Variants in AGBL4 observed in about 807,000 individuals in gnomAD.
AGBL4 encodes AGBL carboxypeptidase 4.
A neutral mutation model predicts 66.4 loss-of-function variants in AGBL4; 58 were observed. The observed-to-expected ratio is 0.87, with a 90% CI of 0.71 to 1.09. AGBL4 has a LOEUF of 1.09. Among genes scored for constraint, AGBL4 ranks in the 50% least tolerant of loss-of-function variants. AGBL4 has a pLI of 0.00. For missense variants in AGBL4, 579 were observed against 631.0 expected (o/e 0.92, Z 0.88); for synonymous variants, 234 against 222.9 (o/e 1.05, Z -0.44).
chr1:49,969,167 A>C (rs1233910393), intron 1 of AGBL4, among the ~76,000 whole-genome samples: 2 of 152,232 alleles, frequency 1.3e-5, no homozygotes, highest in Non-Finnish European at 2.9e-5. Context: ...GGTTAAAATA[A>C]GAACAGTATT....
intron 4 of AGBL4, among the ~76,000 whole-genome samples, chr1:49,144,969 T>C (rs1425056060): frequency 6.6e-6 from 1 of 151,940 alleles, no homozygotes; most frequent in Non-Finnish European, 1.5e-5. Flanking sequence ...GAACAGAAGA[T>C]GTGGGAGAGA....
At chr1:49,469,095 T>C (rs1283794444) in intron 3 of AGBL4, among the ~76,000 whole-genome samples, 3 of 151,814 alleles carry the variant, frequency 2.0e-5, no homozygotes, top group Non-Finnish European at 4.4e-5. Context: ...TTTTCACCTA[T>C]TTCTTTATGC....
intron 3 of AGBL4, among the ~76,000 whole-genome samples, chr1:49,372,601 TTTTCTTTTTCTTTCTTTCTTTC>T (rs1293227690): frequency 6.7e-6 from 1 of 148,624 alleles, no homozygotes; most frequent in Non-Finnish European, 1.5e-5. Flanking sequence ...TTTCTTTTCT[TTTTCTTTTTCTTTCTTTCTTTC>T]TTTCTTTCTT....
At chr1:49,080,337 C>A (rs749693857) in intron 4 of AGBL4, among the ~76,000 whole-genome samples, 3 of 152,204 alleles carry the variant, frequency 2.0e-5, no homozygotes, top group Admixed American at 6.5e-5. Context: ...TTAGAGAACA[C>A]CTGGAAGCAT....
chr1:48,544,439 A>C (rs932931624), intron 11 of AGBL4, among the ~76,000 whole-genome samples: 1 of 152,222 alleles, frequency 6.6e-6, no homozygotes, highest in Non-Finnish European at 1.5e-5. Context: ...TGTGTATGGC[A>C]GATCGTATTT....
At chr1:48,874,460 G>C (rs1466029601) in intron 5 of AGBL4, among the ~76,000 whole-genome samples, 5 of 152,018 alleles carry the variant, frequency 3.3e-5, no homozygotes, top group Non-Finnish European at 7.4e-5. Flanking sequence ...AATTAAATTT[G>C]CTCTTTTCTT....
chr1:49,395,002 TG>T (rs1366922225), intron 3 of AGBL4, among the ~76,000 whole-genome samples: 1 of 152,144 alleles, frequency 6.6e-6, no homozygotes. Flanking sequence ...ACAATGCCCC[TG>T]TTCTAGAAGG....
chr1:48,592,470 A>G (rs1372197674), intron 9 of AGBL4, among the ~76,000 whole-genome samples: 1 of 152,218 alleles, frequency 6.6e-6, no homozygotes, highest in Admixed American at 6.5e-5. Context: ...CTGGGTAGCA[A>G]AAGCTGTCTT....
intron 4 of AGBL4, among the ~76,000 whole-genome samples, chr1:49,157,088 ATTT>A (rs938681613): frequency 6.6e-6 from 1 of 151,370 alleles, no homozygotes; most frequent in Non-Finnish European, 1.5e-5. Context: ...TTTCATTTTT[ATTT>A]TTTTTTATTA....
chr1:49,651,268 C>A (rs1263443094), intron 3 of AGBL4, among the ~76,000 whole-genome samples: 2 of 152,256 alleles, frequency 1.3e-5, no homozygotes, highest in East Asian at 3.9e-4. Context: ...TGGTGCAGCG[C>A]CCCCTACCCC....
intron 4 of AGBL4, among the ~76,000 whole-genome samples, chr1:49,049,977 G>A (rs1644174635): frequency 6.6e-6 from 1 of 151,806 alleles, no homozygotes; most frequent in African/African-American, 2.4e-5. Context: ...TATATCAATG[G>A]TATGGAAATA....
chr1:49,230,605 T>C (rs187201659), intron 4 of AGBL4, among the ~76,000 whole-genome samples: 1 of 152,304 alleles, frequency 6.6e-6, no homozygotes, highest in Admixed American at 6.5e-5. Flanking sequence ...AAATCTATCT[T>C]GGGGTTTCAG....
At chr1:48,840,313 C>G (rs1342154500) in intron 6 of AGBL4, among the ~76,000 whole-genome samples, 1 of 152,138 alleles carries the variant, frequency 6.6e-6, no homozygotes, top group Non-Finnish European at 1.5e-5. Flanking sequence ...GACACAGAAG[C>G]TGGCATACAG....
chr1:49,022,606 T>G (rs1283924708), intron 5 of AGBL4, among the ~76,000 whole-genome samples: 1 of 152,128 alleles, frequency 6.6e-6, no homozygotes, highest in Non-Finnish European at 1.5e-5. Context: ...AGTAATGAGT[T>G]GGAGCTCGTT....
At chr1:49,949,990 ATATATGTG>A (rs1196363243) in intron 1 of AGBL4, among the ~76,000 whole-genome samples, 1 of 123,456 alleles carries the variant, frequency 8.1e-6, no homozygotes, top group African/African-American at 2.8e-5. Flanking sequence ...ATATGTATAT[ATATATGTG>A]TATATATATA....
chr1:49,721,666 A>C (rs1648622101), intron 2 of AGBL4, among the ~76,000 whole-genome samples: 1 of 152,138 alleles, frequency 6.6e-6, no homozygotes, highest in African/African-American at 2.4e-5. Flanking sequence ...AAAAGCTTGA[A>C]ATAGGAGCCA....
intron 5 of AGBL4, among the ~76,000 whole-genome samples, chr1:49,040,661 TC>T (rs1440180760): frequency 6.6e-6 from 1 of 152,120 alleles, no homozygotes; most frequent in Non-Finnish European, 1.5e-5. Context: ...TTTTTGAGGT[TC>T]ATCCATATTA....
chr1:49,669,632 A>G (rs1251727286), intron 3 of AGBL4, among the ~76,000 whole-genome samples: 1 of 152,162 alleles, frequency 6.6e-6, no homozygotes, highest in East Asian at 1.9e-4. Context: ...AGAAACTGCA[A>G]TGATAGAAAG....
At chr1:48,693,740 A>G (rs1465629050) in intron 6 of AGBL4, among the ~76,000 whole-genome samples, 1 of 152,118 alleles carries the variant, frequency 6.6e-6, no homozygotes, top group African/African-American at 2.4e-5. Flanking sequence ...ACAGCCGTGG[A>G]CCCCAAAACA....
Sources: gnomAD v4.1 joint callset for allele counts (sites outside exome capture counted in the v4.1 genomes callset) on GRCh38, gnomAD v4.1.1 for gene constraint, MANE v1.5 for transcripts, NCBI Gene and HGNC (gene_info 2026-07-23, HGNC 2026-07-21) for gene names.